Variants in HS6ST3 observed in about 807,000 individuals in gnomAD.
The protein encoded by HS6ST3 is heparan sulfate 6-O-sulfotransferase 3.
In HS6ST3, 12 loss-of-function variants were observed where a neutral mutation model predicts 36.7. The ratio of observed to expected loss-of-function variants is 0.33; its 90% confidence interval spans 0.21 to 0.53. The LOEUF (loss-of-function observed/expected upper bound fraction) is 0.53. Among genes scored for constraint, HS6ST3 ranks in the 20% least tolerant of loss-of-function variants. The pLI is 0.95. For missense variants in HS6ST3, 584 were observed against 640.9 expected, an observed-to-expected ratio of 0.91 and a Z score of 0.96; for synonymous variants, 240 against 257.5, an observed-to-expected ratio of 0.93 and a Z score of 0.65.
chr13:96,111,945 T>C (rs2053870288), intron 1 of HS6ST3, among the ~76,000 whole-genome samples: 1 of 152,144 alleles, frequency 6.6e-6, no homozygotes, highest in Non-Finnish European at 1.5e-5. Flanking sequence ...TTACTAGTCC[T>C]TTTTTGACAA....
intron 1 of HS6ST3, among the ~76,000 whole-genome samples, chr13:96,757,432 G>C (rs1876858944): frequency 1.3e-5 from 2 of 152,100 alleles, no homozygotes; most frequent in Admixed American, 1.3e-4. Flanking sequence ...TGAAAATACA[G>C]ATGATTTTAC....
chr13:96,139,953 AT>A (rs1319362286), intron 1 of HS6ST3, among the ~76,000 whole-genome samples: 1 of 152,180 alleles, frequency 6.6e-6, no homozygotes, highest in Non-Finnish European at 1.5e-5. Context: ...TTATATGCAG[AT>A]TGTTTTCAAT....
intron 1 of HS6ST3, among the ~76,000 whole-genome samples, chr13:96,236,892 G>C (rs1044661549): frequency 2.6e-5 from 4 of 152,172 alleles, no homozygotes; most frequent in African/African-American, 9.6e-5. Context: ...CTGCTTTGAA[G>C]AAATACCCAA....
intron 1 of HS6ST3, among the ~76,000 whole-genome samples, chr13:96,172,502 CA>C (rs1486458335): frequency 6.6e-6 from 1 of 152,164 alleles, no homozygotes; most frequent in Non-Finnish European, 1.5e-5. Flanking sequence ...TTACTCTGAA[CA>C]GATATACTAT....
At chr13:96,820,153 A>G (rs2138541439) in intron 1 of HS6ST3, among the ~76,000 whole-genome samples, 1 of 152,320 alleles carries the variant, frequency 6.6e-6, no homozygotes, top group South Asian at 2.1e-4. Context: ...TGGACGAAGA[A>G]TCTTTCCTTT....
intron 1 of HS6ST3, among the ~76,000 whole-genome samples, chr13:96,642,041 C>T (rs539979878): frequency 1.8e-4 from 27 of 151,782 alleles, no homozygotes; most frequent in Non-Finnish European, 2.9e-4. Context: ...ACCCAAAGGA[C>T]TCCCTTTAGT....
intron 1 of HS6ST3, among the ~76,000 whole-genome samples, chr13:96,343,508 T>C (rs1186853591): frequency 6.6e-6 from 1 of 152,160 alleles, no homozygotes; most frequent in East Asian, 1.9e-4. Context: ...CACCTGATAA[T>C]CCAGACTGAT....
At chr13:96,160,740 C>T (rs140432900) in intron 1 of HS6ST3, among the ~76,000 whole-genome samples, 2 of 152,330 alleles carry the variant, frequency 1.3e-5, no homozygotes, top group East Asian at 3.9e-4. Flanking sequence ...AGTCAACACA[C>T]TTTTACTTAT....
chr13:96,364,017 G>A lies in HS6ST3; in HGVS notation c.707+272448G>A, dbSNP rs57014342. On this transcript the variant is annotated intron_variant, in intron 1 of 1. Coordinates refer to ENST00000376705, the MANE Select transcript of HS6ST3 (RefSeq NM_153456.4). ...GTTTATTTCGGTAAATATTGGATAA[G>A]TTGAATGAGTCTAAAATTTATTTTA... Among the ~76,000 whole-genome samples the A allele has an allele frequency of 1.8e-3, 267 of 152,126 alleles. 1 individual carries two copies. The highest frequency in any genetic ancestry group is 6.1e-3 in the African/African-American group (252 of 41,524).
chr13:96,679,077 T>G (rs758668613), intron 1 of HS6ST3, among the ~76,000 whole-genome samples: 1 of 149,844 alleles, frequency 6.7e-6, no homozygotes, highest in African/African-American at 2.5e-5. Context: ...CCAAGGGAAT[T>G]CGTGCCTGGG....
intron 1 of HS6ST3, among the ~76,000 whole-genome samples, chr13:96,784,046 T>G (rs1877583964): frequency 6.6e-6 from 1 of 151,890 alleles, no homozygotes; most frequent in Non-Finnish European, 1.5e-5. Context: ...GCTCTTTGAT[T>G]CATCACTATT....
chr13:96,600,190 G>T (rs2056416291), intron 1 of HS6ST3, among the ~76,000 whole-genome samples: 1 of 151,866 alleles, frequency 6.6e-6, no homozygotes, highest in African/African-American at 2.4e-5. Flanking sequence ...TTCTTTGTTG[G>T]CTGTCTGCCT....
intron 1 of HS6ST3, among the ~76,000 whole-genome samples, chr13:96,170,129 G>A (rs912705474): frequency 1.3e-5 from 2 of 152,216 alleles, no homozygotes; most frequent in African/African-American, 4.8e-5. Flanking sequence ...GATAATATAA[G>A]TGTTTAATTG....
At chr13:96,195,591 T>C (rs2054308430) in intron 1 of HS6ST3, among the ~76,000 whole-genome samples, 1 of 152,188 alleles carries the variant, frequency 6.6e-6, no homozygotes, top group Non-Finnish European at 1.5e-5. Context: ...AACATGGCCC[T>C]GGGTGATCAC....
intron 1 of HS6ST3, among the ~76,000 whole-genome samples, chr13:96,231,883 GTC>G (rs2054510236): frequency 6.6e-6 from 1 of 152,192 alleles, no homozygotes; most frequent in Non-Finnish European, 1.5e-5. Context: ...GTACTGACCA[GTC>G]ATAAAGTGTA....
intron 1 of HS6ST3, among the ~76,000 whole-genome samples, chr13:96,122,064 A>T (rs192935592): frequency 2.6e-5 from 4 of 151,512 alleles, no homozygotes; most frequent in African/African-American, 9.7e-5. Flanking sequence ...AATGCAAGAG[A>T]TTTACATGCT....
rs1184656470 is a variant in HS6ST3, at chr13:96,442,668, T to C, written c.707+351099T>C. On this transcript the variant is annotated intron_variant, in intron 1 of 1. Transcript: ENST00000376705. The stretch of plus-strand genomic sequence containing the variant: ...GGAGAAGCAAAACTGCAGGATGACA[T>C]TTCTGTAGCACACCTAGGGAGACCA... Among the ~76,000 whole-genome samples, 2 of 152,006 alleles carry C rather than the reference T, an allele frequency of 1.3e-5. 1 individual carries two copies. Among genetic ancestry groups the C allele is most frequent in the Middle Eastern group, 6.3e-3 (2 of 316 alleles).
chr13:96,556,797 T>C (rs1394880392), intron 1 of HS6ST3, among the ~76,000 whole-genome samples: 4 of 152,104 alleles, frequency 2.6e-5, no homozygotes. Flanking sequence ...GAGGAAACAA[T>C]AGGAACTGTA....
intron 1 of HS6ST3, among the ~76,000 whole-genome samples, chr13:96,501,505 G>A (rs562024605): frequency 6.6e-6 from 1 of 152,276 alleles, no homozygotes; most frequent in African/African-American, 2.4e-5. Flanking sequence ...GCCCTCACCT[G>A]TAAATGGAGA....
Sources: gnomAD v4.1 joint callset for allele counts (sites outside exome capture counted in the v4.1 genomes callset) on GRCh38, gnomAD v4.1.1 for gene constraint, MANE v1.5 for transcripts, NCBI Gene and HGNC (gene_info 2026-07-23, HGNC 2026-07-21) for gene names.